Variants in SUSD1 observed in about 807,000 individuals in gnomAD.
The protein encoded by SUSD1 is sushi domain-containing protein 1.
In SUSD1, 65 loss-of-function variants were observed where a neutral mutation model predicts 86.9. That is an observed-to-expected ratio of 0.75 (90% CI 0.61 to 0.92). SUSD1 has a LOEUF of 0.92. Among genes scored for constraint, SUSD1 ranks in the 40% least tolerant of loss-of-function variants. The pLI, the probability that SUSD1 is intolerant of heterozygous loss-of-function variation, is 0.00. For synonymous variants in SUSD1, 346 were observed against 350.0 expected (o/e 0.99, Z 0.13); for missense variants, 850 against 929.7 (o/e 0.91, Z 1.11).
At chr9:112,150,220 A>C (rs1832986738) in intron 2 of SUSD1, among the ~76,000 whole-genome samples, 1 of 152,220 alleles carries the variant, frequency 6.6e-6, no homozygotes, top group Non-Finnish European at 1.5e-5. Context: ...CTACAGAAAC[A>C]GGCAGCAGGT....
At chr9:112,088,699 G>C (rs758880476) in intron 10 of SUSD1, among the ~76,000 whole-genome samples, 30 of 152,186 alleles carry the variant, frequency 2.0e-4, no homozygotes, top group Non-Finnish European at 4.3e-4. Flanking sequence ...GGCTGAGGTC[G>C]GAGGATCACT....
intron 1 of SUSD1, among the ~76,000 whole-genome samples, chr9:112,164,546 TAA>T (rs535124334): frequency 2.2e-5 from 3 of 135,814 alleles, no homozygotes; most frequent in Non-Finnish European, 1.6e-5. Context: ...ATCTTGTTTC[TAA>T]AAAAAAAAAA....
intron 10 of SUSD1, among the ~76,000 whole-genome samples, chr9:112,093,550 T>C (rs576695925): frequency 3.3e-5 from 5 of 152,202 alleles, no homozygotes; most frequent in Non-Finnish European, 7.3e-5. Context: ...TAGCTAAACC[T>C]CATCCTTCAA....
At chr9:112,128,249 C>A (rs985493756) in intron 5 of SUSD1, among the ~76,000 whole-genome samples, 3 of 151,872 alleles carry the variant, frequency 2.0e-5, no homozygotes, top group African/African-American at 7.3e-5. Flanking sequence ...TGCACCACCA[C>A]ACCCAGCTAA....
At chr9:112,137,186 T>A (rs757706546) in intron 5 of SUSD1, among the ~76,000 whole-genome samples, 2 of 152,110 alleles carry the variant, frequency 1.3e-5, no homozygotes, top group Non-Finnish European at 2.9e-5. Flanking sequence ...GGCTTTGCTA[T>A]TAATGGACTT....
intron 1 of SUSD1, chr9:112,173,949 G>A: frequency 3.9e-6 from 1 of 255,162 alleles, no homozygotes; most frequent in Non-Finnish European, 7.7e-6. Flanking sequence ...GTTGTGTGTG[G>A]TGTGGTGCTT....
Position 112,138,240 on chromosome 9 carries a change from T to TACAC in SUSD1, c.706+4079_706+4080insGTGT, listed in dbSNP as rs1554770296. Among the ~76,000 whole-genome samples, 19 of 25,042 alleles carry TACAC rather than the reference T, an allele frequency of 7.6e-4. No individual in the cohort carries two copies. The East Asian group carries it at 9.9e-3, about 13-fold the overall frequency. 16.4% of individuals were successfully genotyped at this position (25,042 alleles called of 152,430 possible). ...CTCCATCTCAAAAAAAAAATGTGTA[T>TACAC]ATATATATATATATATGTGTATATA... is the stretch of plus-strand genomic sequence containing the variant. On this transcript the variant is annotated intron_variant, in intron 5 of 16. Coordinates refer to ENST00000374270, the MANE Select transcript of SUSD1 (RefSeq NM_022486.5).
chr9:112,137,386 C>G (rs1402392183), intron 5 of SUSD1, among the ~76,000 whole-genome samples: 2 of 152,170 alleles, frequency 1.3e-5, no homozygotes, highest in Non-Finnish European at 2.9e-5. Flanking sequence ...AGCAAGCACT[C>G]TCCTCTAAAT....
intron 3 of SUSD1, among the ~76,000 whole-genome samples, chr9:112,144,283 C>T (rs867283572): frequency 6.6e-6 from 1 of 151,478 alleles, no homozygotes; most frequent in Non-Finnish European, 1.5e-5. Flanking sequence ...AATCCAATCA[C>T]TATAAATATA....
chr9:112,155,348 T>C (rs1833251483), intron 2 of SUSD1, among the ~76,000 whole-genome samples: 1 of 152,008 alleles, frequency 6.6e-6, no homozygotes, highest in African/African-American at 2.4e-5. Flanking sequence ...CAACTTCATT[T>C]CTATCTCACT....
intron 8 of SUSD1, among the ~76,000 whole-genome samples, chr9:112,105,396 T>C (rs939019150): frequency 2.6e-5 from 4 of 150,952 alleles, no homozygotes; most frequent in African/African-American, 7.3e-5. Context: ...GTTCCTAATA[T>C]ATAGTTAAAC....
At chr9:112,141,873 ATG>A (rs1168323861) in intron 5 of SUSD1, among the ~76,000 whole-genome samples, 2 of 139,914 alleles carry the variant, frequency 1.4e-5, no homozygotes, top group African/African-American at 2.5e-5. Context: ...ATATACATAT[ATG>A]TGTGTGTATA....
chr9:112,104,233 G>T (rs1262628208), intron 8 of SUSD1, among the ~76,000 whole-genome samples: 4 of 151,684 alleles, frequency 2.6e-5, no homozygotes, highest in Non-Finnish European at 4.4e-5. Flanking sequence ...CCCCAGGCTG[G>T]TTTCAAACTC....
Position 112,086,490 on chromosome 9 carries a change from CACTCT to C in SUSD1, c.1475-6330_1475-6326del, listed in dbSNP as rs568246205. On this transcript the variant is annotated intron_variant, in intron 10 of 16. Coordinates refer to ENST00000374270, the MANE Select transcript of SUSD1 (RefSeq NM_022486.5). The stretch of plus-strand genomic sequence containing the variant: ...GGTTCACTCCCAGCAAGAGAAACTC[CACTCT>C]AACTATGAAAAAAAGAAAGAAAGAA... Among the ~76,000 whole-genome samples the C allele has an allele frequency of 2.1e-3, 310 of 147,590 alleles. 1 individual carries two copies. The highest frequency in any genetic ancestry group is 2.7e-3 in the Non-Finnish European group (183 of 67,514).
intron 13 of SUSD1, among the ~76,000 whole-genome samples, chr9:112,059,114 C>A (rs886504589): frequency 6.6e-6 from 1 of 152,088 alleles, no homozygotes; most frequent in African/African-American, 2.4e-5. Context: ...TTTCTAGGCA[C>A]TGGAGACACG....
intron 8 of SUSD1, among the ~76,000 whole-genome samples, chr9:112,105,749 C>G (rs930165818): frequency 1.3e-5 from 2 of 152,128 alleles, no homozygotes; most frequent in African/African-American, 4.8e-5. Context: ...TCACAGGGTA[C>G]TAGGAAAGCT....
chr9:112,156,272 C>A (rs181477629), intron 2 of SUSD1, among the ~76,000 whole-genome samples: 163 of 151,950 alleles, frequency 1.1e-3, no homozygotes, highest in Admixed American at 2.0e-3. Flanking sequence ...GACCAGCCTG[C>A]CCAACATGGT....
intron 1 of SUSD1, 136 bp from the exon 2 acceptor site, chr9:112,157,749 C>T: frequency 1.8e-6 from 1 of 570,284 alleles, no homozygotes; most frequent in Non-Finnish European, 3.1e-6. Context: ...TCCTTAAAAA[C>T]CTTCAGTGGC....
At chr9:112,155,182 C>T (rs1833240807) in intron 2 of SUSD1, among the ~76,000 whole-genome samples, 2 of 150,984 alleles carry the variant, frequency 1.3e-5, no homozygotes, top group African/African-American at 4.9e-5. Flanking sequence ...ACCCAGGAGG[C>T]AGAGGTTGCA....
Sources: gnomAD v4.1 joint callset for allele counts (sites outside exome capture counted in the v4.1 genomes callset) on GRCh38, gnomAD v4.1.1 for gene constraint, MANE v1.5 for transcripts, NCBI Gene and HGNC (gene_info 2026-07-23, HGNC 2026-07-21) for gene names.